ROBO2: variants seen among roughly 807,000 people sequenced by gnomAD.
ROBO2 encodes the protein roundabout guidance receptor 2.
ROBO2 carries 53 observed loss-of-function variants against 160.8 expected under a neutral mutation model. That is an observed-to-expected ratio of 0.33 (90% CI 0.26 to 0.41). The LOEUF is 0.41. Ranked by LOEUF, ROBO2 falls within the 10% of genes least tolerant of loss-of-function variation. The pLI is 1.00. For synonymous variants in ROBO2, 664 were observed against 611.7 expected (o/e 1.09, Z -1.26); for missense variants, 1,577 against 1,722.4 (o/e 0.92, Z 1.49).
chr3:76,176,057 T>A (rs1246785832), intron 2 of ROBO2, among the ~76,000 whole-genome samples: 1 of 152,182 alleles, frequency 6.6e-6, no homozygotes, highest in African/African-American at 2.4e-5. Context: ...AAATGTTTTA[T>A]GGAAACAATA....
rs115777046 is a variant in ROBO2, at chr3:76,449,691, A to G, written c.109+512089A>G. Among the ~76,000 whole-genome samples, 477 of 152,306 alleles carry G rather than the reference A, an allele frequency of 3.1e-3. 1 individual carries two copies. Among genetic ancestry groups the G allele is most frequent in the Non-Finnish European group, 4.8e-3 (327 of 68,036 alleles). On this transcript the variant is annotated intron_variant, in intron 2 of 26. Coordinates refer to the ROBO2 transcript ENST00000487694. ...TTAAGTGTTTTGCATTATCTATGAT[A>G]TAATCTTTAGACTTTACTTCTGCAT...
chr3:76,948,520 T>C (rs1482162571), intron 2 of ROBO2, among the ~76,000 whole-genome samples: 2 of 151,452 alleles, frequency 1.3e-5, no homozygotes, highest in African/African-American at 4.8e-5. Context: ...GGGACTTTGC[T>C]TTTTAGTTGT....
chr3:76,572,348 A>G lies in ROBO2; in HGVS notation c.110-525666A>G, dbSNP rs372867831. Among the ~76,000 whole-genome samples the G allele has an allele frequency of 2.7e-4, 41 of 152,110 alleles. 2 individuals carry two copies. In the South Asian group the frequency reaches 2.7e-3, roughly 10 times the overall value. ...CATCATCTCTCTCTACTTGTGCCTG[A>G]GGTAGGGTGGTTGTTTTTCTCTTCC... On this transcript the variant is annotated intron_variant, in intron 2 of 26. Transcript: ENST00000487694.
chr3:77,459,607 C>T (rs996361508), intron 2 of ROBO2, among the ~76,000 whole-genome samples: 1 of 152,072 alleles, frequency 6.6e-6, no homozygotes, highest in East Asian at 1.9e-4. Context: ...GGGGAGAAAA[C>T]AGAGGAATAT....
intron 2 of ROBO2, among the ~76,000 whole-genome samples, chr3:76,566,024 T>A (rs976097913): frequency 5.3e-5 from 8 of 152,174 alleles, no homozygotes; most frequent in Non-Finnish European, 1.2e-4. Flanking sequence ...ACTGTGAGCA[T>A]GTACTTGGGG....
chr3:76,132,095 T>G (rs1386026102), intron 2 of ROBO2, among the ~76,000 whole-genome samples: 1 of 152,108 alleles, frequency 6.6e-6, no homozygotes, highest in Admixed American at 6.5e-5. Flanking sequence ...GGAGTCAGTG[T>G]ATGGTCATAC....
chr3:77,091,626 T>C (rs1559986878), intron 1 of ROBO2, among the ~76,000 whole-genome samples: 1 of 151,934 alleles, frequency 6.6e-6, no homozygotes. Flanking sequence ...ATGGAAAAAA[T>C]GCAGCTTCTT....
intron 2 of ROBO2, among the ~76,000 whole-genome samples, chr3:77,349,054 A>T (rs1010255339): frequency 6.6e-6 from 1 of 151,930 alleles, no homozygotes; most frequent in Non-Finnish European, 1.5e-5. Flanking sequence ...TCACTTACCT[A>T]ACATCAGCCT....
At chr3:77,030,412 TCTA>T (rs1284489329) in intron 2 of ROBO2, among the ~76,000 whole-genome samples, 1 of 152,254 alleles carries the variant, frequency 6.6e-6, no homozygotes, top group Non-Finnish European at 1.5e-5. Context: ...TTCCAAGAAT[TCTA>T]CTAATTTATC....
At chr3:76,588,635 T>C (rs1255322282) in intron 2 of ROBO2, among the ~76,000 whole-genome samples, 2 of 152,186 alleles carry the variant, frequency 1.3e-5, no homozygotes, top group African/African-American at 4.8e-5. Context: ...AATATAAAGA[T>C]GTCTTATGTA....
chr3:77,250,165 A>G (rs1009191478), intron 2 of ROBO2, among the ~76,000 whole-genome samples: 1 of 152,232 alleles, frequency 6.6e-6, no homozygotes, highest in Non-Finnish European at 1.5e-5. Flanking sequence ...AGAAAGGCCT[A>G]GAACTGAATT....
intron 2 of ROBO2, among the ~76,000 whole-genome samples, chr3:76,832,559 A>G (rs983159547): frequency 4.6e-5 from 7 of 152,178 alleles, no homozygotes; most frequent in African/African-American, 1.7e-4. Flanking sequence ...ATTGTTGACC[A>G]GAGTTAATGG....
At chr3:77,292,230 C>T (rs1221043986) in intron 2 of ROBO2, among the ~76,000 whole-genome samples, 1 of 150,870 alleles carries the variant, frequency 6.6e-6, no homozygotes, top group African/African-American at 2.4e-5. Flanking sequence ...GGCTAGATCA[C>T]CCCAGATGTA....
At chr3:76,309,653 T>C (rs1377223718) in intron 2 of ROBO2, among the ~76,000 whole-genome samples, 3 of 152,142 alleles carry the variant, frequency 2.0e-5, no homozygotes, top group South Asian at 4.1e-4. Context: ...AATATAGAAA[T>C]TGATTACTTT....
rs138581254 is a variant in ROBO2, at chr3:76,020,430, C to T, written c.109+82828C>T. Among the ~76,000 whole-genome samples the T allele has an allele frequency of 7.1e-3, 1,079 of 151,746 alleles. 5 individuals are homozygous for T. Among genetic ancestry groups the T allele is most frequent in the Admixed American group, 0.011 (170 of 15,190 alleles). ...TTCGTATGTTCCTCTTTTGCTTCAT[C>T]GCTTTTACTTTTTATCACTTTTTCT... On this transcript the variant is annotated intron_variant, in intron 2 of 26. Transcript: ENST00000487694.
intron 2 of ROBO2, among the ~76,000 whole-genome samples, chr3:77,292,885 C>T (rs1356604887): frequency 7.8e-5 from 11 of 141,372 alleles, no homozygotes; most frequent in East Asian, 2.2e-4. Flanking sequence ...GTAAAATTGA[C>T]GATTAAACGG....
intron 2 of ROBO2, among the ~76,000 whole-genome samples, chr3:76,393,184 A>T (rs966367720): frequency 1.3e-5 from 2 of 152,148 alleles, no homozygotes; most frequent in Admixed American, 6.6e-5. Flanking sequence ...TCCAGGCTGC[A>T]TCCAAGACCT....
intron 2 of ROBO2, among the ~76,000 whole-genome samples, chr3:76,125,023 G>A (rs2070915955): frequency 6.6e-6 from 1 of 152,066 alleles, no homozygotes; most frequent in Non-Finnish European, 1.5e-5. Flanking sequence ...GCAGATTGCA[G>A]TGTCTGTTAT....
At chr3:77,588,680 G>T in intron 16 of ROBO2, 71 bp from the exon 18 acceptor site, 6 of 1,411,716 alleles carry the variant, frequency 4.3e-6, no homozygotes, top group Non-Finnish European at 4.9e-6. Context: ...CTTCATTTTT[G>T]ATGCACCATG....
Sources: allele counts gnomAD v4.1 joint callset (sites outside exome capture counted in the v4.1 genomes callset), GRCh38; gene constraint gnomAD v4.1.1; transcripts MANE v1.5; gene names NCBI Gene and HGNC (gene_info 2026-07-23, HGNC 2026-07-21).